RNF217: variants seen among roughly 807,000 people sequenced by gnomAD.
RNF217 encodes E3 ubiquitin-protein ligase RNF217.
In RNF217, 31 loss-of-function variants were observed where a neutral mutation model predicts 57.8. The observed-to-expected ratio is 0.54, with a 90% CI of 0.40 to 0.72. RNF217 has a LOEUF of 0.72. Ranked by LOEUF, RNF217 falls within the 30% of genes least tolerant of loss-of-function variation. RNF217 has a pLI of 0.00. For synonymous variants in RNF217, 313 were observed against 294.0 expected, an observed-to-expected ratio of 1.06 and a Z score of -0.66; for missense variants, 696 against 708.3, an observed-to-expected ratio of 0.98 and a Z score of 0.20.
intron 1 of RNF217, among the ~76,000 whole-genome samples, chr6:125,004,804 A>T (rs1785112810): frequency 6.6e-6 from 1 of 152,228 alleles, no homozygotes; most frequent in African/African-American, 2.4e-5. Context: ...TAATTACACA[A>T]ACTATACAGG....
intron 1 of RNF217, among the ~76,000 whole-genome samples, chr6:125,044,490 C>T (rs1007157708): frequency 3.9e-5 from 6 of 152,006 alleles, no homozygotes; most frequent in African/African-American, 1.4e-4. Context: ...GATGTATCCT[C>T]CCTTCTCTCC....
At chr6:124,981,061 C>G (rs1784143254) in intron 1 of RNF217, among the ~76,000 whole-genome samples, 1 of 152,052 alleles carries the variant, frequency 6.6e-6, no homozygotes, top group African/African-American at 2.4e-5. Flanking sequence ...GTAATTTACT[C>G]AATTTAAAAT....
At position 125,092,331 on chromosome 6, in the gene RNF217, G is replaced by T. The variant is rs1354231355; in HGVS notation, c.*9394G>T. 20 of 152,318 alleles carry T rather than the reference G, an allele frequency of 1.3e-4. No individual in the cohort carries two copies. The East Asian group carries it at 2.5e-3, about 19-fold the overall frequency. 9.4% of individuals were successfully genotyped at this position (152,318 alleles called of 1,614,324 possible). A position where few individuals can be genotyped will look rare whatever the true frequency, so the allele number is the denominator to read the frequency against. Reference sequence around the variant, plus strand: ...GACGGACACCTTGTGATATTTTGGAGTCTAATTTCCGACTTTTCGTAATGT... The same window carrying T: ...GACGGACACCTTGTGATATTTTGGATTCTAATTTCCGACTTTTCGTAATGT... On this transcript the variant is annotated 3_prime_UTR_variant, in exon 6 of 6. Transcript: ENST00000521654.
At position 125,085,032 on chromosome 6, in the gene RNF217, T is replaced by C. The variant is rs1464078000; in HGVS notation, c.*2095T>C. The C allele has an allele frequency of 6.6e-6, 1 of 151,908 alleles. No homozygotes were observed. The highest frequency in any genetic ancestry group is 1.5e-5 in the Non-Finnish European group (1 of 67,852). The allele number at this position is 151,908 out of a possible 1,614,324, so 9.4% of individuals were successfully genotyped here. A position where few individuals can be genotyped will look rare whatever the true frequency, so the allele number is the denominator to read the frequency against. On this transcript the variant is annotated 3_prime_UTR_variant, in exon 6 of 6. Coordinates refer to ENST00000521654, the MANE Select transcript of RNF217 (RefSeq NM_001286398.3). ...ATATGTATGATGTATATATGTCATATGTATGATATATATGAAATATTCCCA... is the reference window on the plus strand; with the variant it reads ...ATATGTATGATGTATATATGTCATACGTATGATATATATGAAATATTCCCA...
At chr6:125,063,113 T>C (rs913165431) in intron 3 of RNF217, among the ~76,000 whole-genome samples, 2 of 152,162 alleles carry the variant, frequency 1.3e-5, no homozygotes, top group Non-Finnish European at 2.9e-5. Context: ...GCAATCTAAA[T>C]TTTGTTGGAG....
intron 1 of RNF217, among the ~76,000 whole-genome samples, chr6:125,039,265 T>A (rs1470431655): frequency 6.6e-6 from 1 of 151,962 alleles, no homozygotes; most frequent in African/African-American, 2.4e-5. Flanking sequence ...TACTTTAAGT[T>A]CCAGGATACA....
intron 1 of RNF217, among the ~76,000 whole-genome samples, chr6:124,976,250 ACTCCCTCC>A (rs764577352): frequency 6.3e-5 from 8 of 127,908 alleles, no homozygotes; most frequent in African/African-American, 3.0e-5. Flanking sequence ...TCCCTCCCTC[ACTCCCTCC>A]CTCCCTCCCT....
At chr6:125,059,889 A>C (rs1787666422) in intron 3 of RNF217, among the ~76,000 whole-genome samples, 1 of 152,180 alleles carries the variant, frequency 6.6e-6, no homozygotes, top group African/African-American at 2.4e-5. Context: ...AGAACCATGG[A>C]ATCAGTGGAC....
chr6:125,074,998 C>T (rs1788309530), intron 3 of RNF217, among the ~76,000 whole-genome samples: 1 of 152,168 alleles, frequency 6.6e-6, no homozygotes, highest in Non-Finnish European at 1.5e-5. Flanking sequence ...AAGCAAAGAA[C>T]TCACATGTGA....
intron 1 of RNF217, among the ~76,000 whole-genome samples, chr6:125,011,879 C>G (rs758824204): frequency 2.6e-5 from 4 of 151,954 alleles, no homozygotes; most frequent in Non-Finnish European, 5.9e-5. Context: ...ACTGCCAGCC[C>G]TAGTTTTTGG....
rs1179600192 is a variant in RNF217, at chr6:125,090,197, T to C, written c.*7260T>C. 1 of 152,104 alleles carries C rather than the reference T, an allele frequency of 6.6e-6. No homozygotes were observed. The highest frequency in any genetic ancestry group is 1.5e-5 in the Non-Finnish European group (1 of 67,966). 9.4% of individuals were successfully genotyped at this position (152,104 alleles called of 1,614,324 possible). A position where few individuals can be genotyped will look rare whatever the true frequency, so the allele number is the denominator to read the frequency against. Reference sequence around the variant, plus strand: ...TAGTTTGTATATATATAAAACCATTTACCTTGACAAGGACAATCTGTTACA... The same window carrying C: ...TAGTTTGTATATATATAAAACCATTCACCTTGACAAGGACAATCTGTTACA... On this transcript the variant is annotated 3_prime_UTR_variant, in exon 6 of 6. Transcript: ENST00000521654.
intron 1 of RNF217, among the ~76,000 whole-genome samples, chr6:125,029,867 G>A (rs1194461278): frequency 6.6e-6 from 1 of 152,180 alleles, no homozygotes; most frequent in Non-Finnish European, 1.5e-5. Context: ...CGACAGCACT[G>A]TGTAGGGTGG....
intron 1 of RNF217, among the ~76,000 whole-genome samples, chr6:125,042,115 G>A (rs895362630): frequency 2.0e-5 from 3 of 152,066 alleles, no homozygotes; most frequent in Non-Finnish European, 4.4e-5. Context: ...AAAATTTTCT[G>A]AAAAAGATAT....
Position 125,081,503 on chromosome 6 carries a change from A to C in RNF217, c.1551A>C (p.Val517=), listed in dbSNP as rs760823774. 1.9e-6 allele frequency: 3 copies of C among 1,609,360 alleles called. No individual in the cohort carries two copies. In the South Asian group the frequency reaches 3.3e-5, roughly 18 times the overall value. ...LGLALGAIAV[V]IGLFVFPIYC... ...TGGCACTAGGGGCCATAGCGGTTGT[A>C]ATCGGTAAGAAACACTTCATGCATC... The change falls in exon 5 of 6, where the codon GTA becomes GTC. Residue 517 remains valine (V), a synonymous_variant. Transcript: ENST00000521654.
intron 1 of RNF217, chr6:125,009,445 C>T: frequency 2.0e-6 from 1 of 500,982 alleles, no homozygotes; most frequent in Non-Finnish European, 3.6e-6. Flanking sequence ...ATGGTGCCAT[C>T]TCTTTCTAGA....
intron 1 of RNF217, among the ~76,000 whole-genome samples, chr6:125,039,644 C>T (rs1562481247): frequency 1.3e-5 from 2 of 152,270 alleles, no homozygotes; most frequent in South Asian, 2.1e-4. Context: ...ACAGAATATA[C>T]GTTTGTCTCA....
intron 1 of RNF217, chr6:125,006,124 C>G (rs1348539206): frequency 1.3e-5 from 2 of 152,154 alleles, no homozygotes; most frequent in Admixed American, 6.5e-5. Flanking sequence ...GAACTCCTGC[C>G]TTTTTGGAGG....
intron 1 of RNF217, among the ~76,000 whole-genome samples, chr6:124,966,434 T>G (rs990534043): frequency 1.3e-5 from 2 of 152,330 alleles, no homozygotes; most frequent in East Asian, 3.9e-4. Flanking sequence ...GAGTGCTTTC[T>G]TTCTCATCTT....
At chr6:124,993,819 G>A (rs368756397) in intron 1 of RNF217, among the ~76,000 whole-genome samples, 1 of 152,144 alleles carries the variant, frequency 6.6e-6, no homozygotes, top group East Asian at 1.9e-4. Flanking sequence ...GAGTGTGTCA[G>A]GGCTAAGAGT....
Sources: gnomAD v4.1 joint callset for allele counts (sites outside exome capture counted in the v4.1 genomes callset) on GRCh38, gnomAD v4.1.1 for gene constraint, MANE v1.5 for transcripts, NCBI Gene and HGNC (gene_info 2026-07-23, HGNC 2026-07-21) for gene names.